The following SPACA7 variants were observed in gnomAD, a reference collection of about 807,000 sequenced individuals.
SPACA7 encodes sperm acrosome-associated protein 7.
A neutral mutation model predicts 26.3 loss-of-function variants in SPACA7; 19 were observed. The observed-to-expected ratio is 0.72, with a 90% confidence interval of 0.50 to 1.06. SPACA7 has a LOEUF of 1.06. Among genes scored for constraint, SPACA7 ranks in the 50% least tolerant of loss-of-function variants. The pLI is 0.00. For missense variants in SPACA7, 211 were observed against 229.9 expected (o/e 0.92, Z 0.53); for synonymous variants, 84 against 84.5 (o/e 0.99, Z 0.04).
chr13:112,413,379 T>C (rs1406466576), intron 5 of SPACA7, among the ~76,000 whole-genome samples: 3 of 151,036 alleles, frequency 2.0e-5, no homozygotes, highest in East Asian at 3.9e-4. Flanking sequence ...TTTTTTTTTT[T>C]CCTTTAGCAC....
intron 5 of SPACA7, among the ~76,000 whole-genome samples, chr13:112,403,770 C>T (rs1167098998): frequency 6.6e-6 from 1 of 152,160 alleles, no homozygotes; most frequent in Non-Finnish European, 1.5e-5. Context: ...CTTTTTATAC[C>T]TGAGTAGTAT....
At chr13:112,398,537 T>A (rs1885432630) in intron 3 of SPACA7, among the ~76,000 whole-genome samples, 1 of 152,186 alleles carries the variant, frequency 6.6e-6, no homozygotes, top group African/African-American at 2.4e-5. Context: ...AGGGCAGTTA[T>A]CATCACCCCA....
At chr13:112,393,683 G>C (rs899877252) in intron 2 of SPACA7, among the ~76,000 whole-genome samples, 6 of 152,296 alleles carry the variant, frequency 3.9e-5, no homozygotes, top group African/African-American at 1.2e-4. Context: ...CCGTCCAATA[G>C]AAACACAGCA....
intron 5 of SPACA7, among the ~76,000 whole-genome samples, chr13:112,424,126 A>C (rs1450242738): frequency 2.6e-5 from 4 of 152,208 alleles, no homozygotes; most frequent in Non-Finnish European, 5.9e-5. Flanking sequence ...AATCCGAACA[A>C]GGACCCCCCT....
intron 1 of SPACA7, 46 bp downstream of exon 1, chr13:112,376,525 G>A (rs61960772): frequency 1.3e-6 from 2 of 1,582,468 alleles, no homozygotes; most frequent in Admixed American, 1.8e-5. Flanking sequence ...ACTGAACCAG[G>A]TGGGGAGCGG....
intron 5 of SPACA7, among the ~76,000 whole-genome samples, chr13:112,424,446 G>A (rs890512514): frequency 6.6e-6 from 1 of 152,106 alleles, no homozygotes; most frequent in Admixed American, 6.5e-5. Flanking sequence ...TGATCTACTC[G>A]AATGAGCTGT....
chr13:112,376,476 C>G lies in SPACA7; in HGVS notation c.91C>G (p.Pro31Ala), dbSNP rs373943042. 3 of 1,612,180 alleles carry G rather than the reference C, an allele frequency of 1.9e-6. No individual in the cohort carries two copies. Among genetic ancestry groups the G allele is most frequent in the African/African-American group, 2.7e-5 (2 of 74,884 alleles). ...TGAGCTCCGGCCGAGAACCGTGATT[C>G]CAGGTAGGGCCCCACAGGGATGTCT... ...ETELRPRTVIPGSPTEIPFSS... is the reference protein window; with the variant it reads ...ETELRPRTVIAGSPTEIPFSS... Residue 31 changes from proline to alanine, a missense_variant, in exon 1 of 7, where the codon CCA becomes GCA. Pro to Ala is a conservative substitution (Grantham distance 27). Transcript: ENST00000283550.
chr13:112,388,313 C>A lies in SPACA7; in HGVS notation c.95-4708C>A, dbSNP rs190226402. 1.4e-3 allele frequency among the ~76,000 whole-genome samples: 207 copies of A among 152,258 alleles called. 1 individual carries two copies. The highest frequency in any genetic ancestry group is 4.8e-3 in the African/African-American group (200 of 41,550). On this transcript the variant is annotated intron_variant, in intron 1 of 6. Transcript: ENST00000283550. Reference sequence around the variant, plus strand: ...TTCCTACTAGTTAGAAAGAGCCAGCCGAGACCCCCGAGGAGCCAAACAGAC... The same window carrying A: ...TTCCTACTAGTTAGAAAGAGCCAGCAGAGACCCCCGAGGAGCCAAACAGAC...
intron 6 of SPACA7, 147 bp downstream of exon 6, chr13:112,432,668 C>G: frequency 1.6e-6 from 1 of 635,070 alleles, no homozygotes; most frequent in Non-Finnish European, 2.8e-6. Flanking sequence ...AGCCCCTGTC[C>G]AACCGTTGAT....
chr13:112,394,536 G>C (rs1885109302), intron 2 of SPACA7, among the ~76,000 whole-genome samples: 1 of 114,662 alleles, frequency 8.7e-6, no homozygotes, highest in African/African-American at 2.9e-5. Flanking sequence ...GGAGAGGCCT[G>C]GGAAAAGCTC....
intron 5 of SPACA7, among the ~76,000 whole-genome samples, chr13:112,418,582 G>C (rs1886834498): frequency 6.6e-6 from 1 of 152,188 alleles, no homozygotes; most frequent in African/African-American, 2.4e-5. Flanking sequence ...GTGACACTTT[G>C]GGTCAGAGGG....
intron 1 of SPACA7, among the ~76,000 whole-genome samples, chr13:112,389,405 T>G (rs139014212): frequency 6.6e-6 from 1 of 152,268 alleles, no homozygotes; most frequent in African/African-American, 2.4e-5. Flanking sequence ...AATAAAATTA[T>G]GTCTGCATTA....
chr13:112,377,179 A>T (rs1229391674), intron 1 of SPACA7, among the ~76,000 whole-genome samples: 1 of 152,210 alleles, frequency 6.6e-6, no homozygotes, highest in African/African-American at 2.4e-5. Context: ...GATTCAGCAA[A>T]GGCCAAGAGG....
At chr13:112,433,469 G>T (rs1176895722) in intron 6 of SPACA7, among the ~76,000 whole-genome samples, 1 of 150,498 alleles carries the variant, frequency 6.6e-6, no homozygotes, top group African/African-American at 2.4e-5. Flanking sequence ...CAGTTAGGTG[G>T]GCCTCCCTGT....
At chr13:112,392,070 C>G (rs1298807939) in intron 1 of SPACA7, among the ~76,000 whole-genome samples, 1 of 152,230 alleles carries the variant, frequency 6.6e-6, no homozygotes, top group African/African-American at 2.4e-5. Context: ...AAGCTCTGTG[C>G]ACTCTGAAAG....
chr13:112,412,629 G>C (rs1377976808), intron 5 of SPACA7, among the ~76,000 whole-genome samples: 1 of 150,048 alleles, frequency 6.7e-6, no homozygotes, highest in Non-Finnish European at 1.5e-5. Flanking sequence ...GTTGATTTTT[G>C]TATATGGGTG....
chr13:112,424,776 G>C (rs1175932628), intron 5 of SPACA7, among the ~76,000 whole-genome samples: 1 of 152,116 alleles, frequency 6.6e-6, no homozygotes, highest in Non-Finnish European at 1.5e-5. Context: ...CAAGAGGCAG[G>C]GCCGGTGGCA....
intron 1 of SPACA7, among the ~76,000 whole-genome samples, chr13:112,378,274 T>G (rs568300854): frequency 6.6e-6 from 1 of 152,138 alleles, no homozygotes; most frequent in African/African-American, 2.4e-5. Flanking sequence ...TAAGGTGGAG[T>G]TTATCAAAAG....
chr13:112,382,394 G>A (rs183561267), intron 1 of SPACA7: 29 of 1,540,676 alleles, frequency 1.9e-5, no homozygotes, highest in Non-Finnish European at 2.5e-5. Context: ...CACCGTGCCT[G>A]GCCAATAACA....
Sources: allele counts gnomAD v4.1 joint callset (sites outside exome capture counted in the v4.1 genomes callset), GRCh38; gene constraint gnomAD v4.1.1; transcripts MANE v1.5; gene names NCBI Gene and HGNC (gene_info 2026-07-23, HGNC 2026-07-21).